Variants in CES4A observed in about 807,000 individuals in gnomAD.
CES4A encodes the protein carboxylesterase 4A.
In CES4A, 48 loss-of-function variants were observed where a neutral mutation model predicts 65.4. That is an observed-to-expected ratio of 0.73 (90% CI 0.58 to 0.93). The LOEUF is 0.93. Among genes scored for constraint, CES4A ranks in the 40% least tolerant of loss-of-function variants. The pLI, the probability that CES4A is intolerant of heterozygous loss-of-function variation, is 0.00. For synonymous variants in CES4A, 247 were observed against 281.8 expected, an observed-to-expected ratio of 0.88 and a Z score of 1.24; for missense variants, 685 against 728.5, an observed-to-expected ratio of 0.94 and a Z score of 0.69.
At chr16:66,995,301 C>T (rs1009847312) in intron 1 of CES4A, among the ~76,000 whole-genome samples, 12 of 151,290 alleles carry the variant, frequency 7.9e-5, no homozygotes, top group Non-Finnish European at 1.6e-4. Flanking sequence ...CAGAGCAAGA[C>T]TCCATCTCAA....
exon 2 of CES4A, chr16:66,995,706 C>A: frequency 6.2e-7 from 1 of 1,614,260 alleles, no homozygotes; most frequent in Non-Finnish European, 8.5e-7. Flanking sequence ...GTGGGGAAGA[C>A]ACCCATCCAA....
intron 1 of CES4A, among the ~76,000 whole-genome samples, chr16:66,989,234 G>C (rs1256733512): frequency 1.3e-5 from 2 of 151,972 alleles, no homozygotes; most frequent in Non-Finnish European, 2.9e-5. Context: ...TTTTTAAAAT[G>C]AGTACTACAC....
At chr16:66,993,830 G>A (rs1190339048) in intron 1 of CES4A, among the ~76,000 whole-genome samples, 2 of 152,078 alleles carry the variant, frequency 1.3e-5, no homozygotes, top group Non-Finnish European at 2.9e-5. Flanking sequence ...GGCCGGGCGC[G>A]GTGGCTCATG....
intron 2 of CES4A, 168 bp downstream of exon 2, chr16:66,995,997 G>A: frequency 1.4e-6 from 1 of 712,614 alleles, no homozygotes; most frequent in South Asian, 1.5e-5. Flanking sequence ...AACTGGTCCT[G>A]ATGGTGTTTA....
At chr16:66,996,416 C>T (rs1458725643) in intron 2 of CES4A, among the ~76,000 whole-genome samples, 2 of 152,100 alleles carry the variant, frequency 1.3e-5, no homozygotes, top group Non-Finnish European at 2.9e-5. Context: ...TGGGGAGCTG[C>T]GTTTTCCTAA....
chr16:66,990,047 CTTTTTTT>C (rs1009395226), intron 1 of CES4A, among the ~76,000 whole-genome samples: 4 of 121,448 alleles, frequency 3.3e-5, no homozygotes, highest in Non-Finnish European at 5.1e-5. Context: ...TTCATCTTTT[CTTTTTTT>C]TTTTTTTTTT....
In CES4A at chr16:66,999,246, CAG is replaced by C. The variant is rs146106761; in HGVS notation, c.261-1391_261-1390del. On this transcript the variant is annotated intron_variant, in intron 2 of 13. Transcript: ENST00000648724. ...GGAGCAGAGGAACAGGCGAGGCAAACAGGGTGTCCTGCGCCCAATCAAATGGT... is the reference window on the plus strand; with the variant it reads ...GGAGCAGAGGAACAGGCGAGGCAAACGGTGTCCTGCGCCCAATCAAATGGT... Among the ~76,000 whole-genome samples the C allele has an allele frequency of 2.8e-3, 422 of 152,324 alleles. 3 individuals are homozygous for C. Among genetic ancestry groups the C allele is most frequent in the African/African-American group, 9.5e-3 (396 of 41,568 alleles).
intron 1 of CES4A, 45 bp downstream of exon 1, chr16:66,988,875 C>G (rs1320111771): frequency 1.3e-6 from 2 of 1,535,358 alleles, no homozygotes; most frequent in Non-Finnish European, 1.8e-6. Context: ...AAGACGGGCA[C>G]AAGGGATGGA....
In CES4A at chr16:67,000,970, C is replaced by T. The variant is rs572608512; in HGVS notation, c.516C>T (p.Leu172=). The change falls in exon 4 of 14, where the codon CTC becomes CTT. Residue 172 remains leucine (L), a synonymous_variant. Coordinates refer to ENST00000648724, the Ensembl canonical transcript of CES4A. The surrounding 1 kb of genome is among the most constrained non-coding windows in gnomAD (Gnocchi z 4.2). ...TGCTGGTGTTTCTGCAGCACAGGCT[C>T]GGCATCTTCGGCTTCCTGAGGTGGC... is the stretch of plus-strand genomic sequence containing the variant. 1.1e-5 allele frequency: 17 copies of T among 1,611,834 alleles called. No homozygotes were observed. The African/African-American group carries it at 1.1e-4, about 10-fold the overall frequency.
chr16:67,002,062 T>C lies in CES4A; in HGVS notation c.690+601T>C, dbSNP rs527481941. 3.9e-5 allele frequency among the ~76,000 whole-genome samples: 6 copies of C among 152,296 alleles called. 1 individual carries two copies. The South Asian group carries it at 6.2e-4, about 16-fold the overall frequency. On this transcript the variant is annotated intron_variant, in intron 5 of 13. Transcript: ENST00000648724. ...GTCGTCATCCATGTAATTCCTTCAA[T>C]AGTCCAAAAAGAAAAGTACTGTTGT...
chr16:67,004,013 G>A, intron 8 of CES4A, 71 bp from the exon 9 acceptor site: 2 of 1,539,126 alleles, frequency 1.3e-6, no homozygotes, highest in South Asian at 1.1e-5. Context: ...CCTCTGAAGG[G>A]GCACCCAAGG....
Position 67,000,831 on chromosome 16 carries a change from C to T in CES4A, c.403-26C>T. The T allele has an allele frequency of 6.4e-7, 1 of 1,562,674 alleles. No homozygotes were observed. Among genetic ancestry groups the T allele is most frequent in the Non-Finnish European group, 8.7e-7 (1 of 1,153,110 alleles). ...GGTCCCACCGCCGCCCACCGCCCCG[C>T]TCAGATCCCGGCCTTCTTCGTCCAG... On this transcript the variant is annotated intron_variant, in intron 3 of 13. Coordinates refer to ENST00000648724, the Ensembl canonical transcript of CES4A. This position sits in a 1 kb window ranked among gnomAD's most constrained non-coding sequence, Gnocchi z 4.2.
At position 67,005,129 on chromosome 16, in the gene CES4A, C is replaced by G. The variant is rs147858485; in HGVS notation, c.1162-111C>G. ...TTCCCAGGAAGCTCCCTTTCTCCCC[C>G]TCCCAGGCCAAAAACTCCTGGGGGG... is the stretch of plus-strand genomic sequence containing the variant. On this transcript the variant is annotated intron_variant, in intron 10 of 13. Coordinates refer to ENST00000648724, the Ensembl canonical transcript of CES4A. The G allele has an allele frequency of 9.1e-3, 10,493 of 1,153,866 alleles. 58 individuals carry two copies. Among genetic ancestry groups the G allele is most frequent in the Non-Finnish European group, 0.011 (8,381 of 783,244 alleles). The allele number at this position is 1,153,866 out of a possible 1,614,324, so 71.5% of individuals were successfully genotyped here. A position where few individuals can be genotyped will look rare whatever the true frequency, so the allele number is the denominator to read the frequency against.
chr16:66,993,125 C>T (rs929453531), intron 1 of CES4A, among the ~76,000 whole-genome samples: 12 of 152,128 alleles, frequency 7.9e-5, no homozygotes, highest in African/African-American at 2.9e-4. Context: ...AAAGAGTATC[C>T]ACGGGAAGTC....
intron 13 of CES4A, chr16:67,008,750 G>T: frequency 2.0e-6 from 1 of 504,470 alleles, no homozygotes; most frequent in Non-Finnish European, 3.5e-6. Context: ...TCCTCCAAAA[G>T]CCTTGGTCTT....
chr16:67,009,074 GAGA>G (rs1965991654), exon 14 of CES4A: 8 of 1,614,076 alleles, frequency 5.0e-6, no homozygotes, highest in Middle Eastern at 1.6e-4. Context: ...GAAGCTCAAG[GAGA>G]AGAAGATGGC....
intron 1 of CES4A, 71 bp from the exon 2 acceptor site, chr16:66,995,557 G>C (rs1597061821): frequency 1.5e-6 from 2 of 1,359,676 alleles, no homozygotes; most frequent in East Asian, 4.6e-5. Context: ...TTGTGGCTGA[G>C]TGGCTGAGCC....
Position 67,001,180 on chromosome 16 carries a change from G to T in CES4A, c.537-128G>T, listed in dbSNP as rs936996117. 1.9e-5 allele frequency: 26 copies of T among 1,372,792 alleles called. No homozygotes were observed. The African/African-American group carries it at 3.3e-4, about 18-fold the overall frequency. 85.0% of individuals were successfully genotyped at this position (1,372,792 alleles called of 1,614,324 possible). On this transcript the variant is annotated intron_variant, in intron 4 of 13. Transcript: ENST00000648724. The surrounding 1 kb of genome is among the most constrained non-coding windows in gnomAD (Gnocchi z 4.1). ...ATGGGGCGAGCTAACTCCAAGGAAGGGGGTGTGGTCGCAGGACTGGGTCTT... is the reference window on the plus strand; with the variant it reads ...ATGGGGCGAGCTAACTCCAAGGAAGTGGGTGTGGTCGCAGGACTGGGTCTT...
At position 67,003,845 on chromosome 16, in the gene CES4A, T is replaced by A. The variant is rs116155084; in HGVS notation, c.940-239T>A. ...AGTGAAGTGAAATTTAGCAAAGATT[T>A]TCAAGAGGTGAAGGAGTGAGCTATA... On this transcript the variant is annotated intron_variant, in intron 8 of 13. Coordinates refer to ENST00000648724, the Ensembl canonical transcript of CES4A. This position sits in a 1 kb window ranked among gnomAD's most constrained non-coding sequence, Gnocchi z 4.2. 6.6e-6 allele frequency among the ~76,000 whole-genome samples: 1 copy of A among 152,254 alleles called. No individual in the cohort carries two copies. The highest frequency in any genetic ancestry group is 2.4e-5 in the African/African-American group (1 of 41,532).
Sources: allele counts gnomAD v4.1 joint callset (sites outside exome capture counted in the v4.1 genomes callset), GRCh38; gene constraint gnomAD v4.1.1; non-coding constraint Gnocchi (gnomAD v3.1); transcripts MANE v1.5; gene names NCBI Gene and HGNC (gene_info 2026-07-23, HGNC 2026-07-21).